Variants in PC observed in about 807,000 individuals in gnomAD.
PC encodes pyruvate carboxylase, mitochondrial.
PC carries 46 observed loss-of-function variants against 107.8 expected under a neutral mutation model. The ratio of observed to expected loss-of-function variants is 0.43; its 90% CI spans 0.34 to 0.55. PC has a LOEUF of 0.55. Among genes scored for constraint, PC ranks in the 20% least tolerant of loss-of-function variants. The pLI is 0.04. For missense variants in PC, 1,241 were observed against 1,643.1 expected (o/e 0.76, Z 4.23); for synonymous variants, 662 against 684.7 (o/e 0.97, Z 0.52).
intron 3 of PC, among the ~76,000 whole-genome samples, chr11:66,893,786 C>T (rs1293223222): frequency 6.8e-6 from 1 of 147,198 alleles, no homozygotes; most frequent in Non-Finnish European, 1.5e-5. Flanking sequence ...TTAGCCCCCG[C>T]CCCCTACCCC....
intron 1 of PC, chr11:66,957,698 C>G (rs1427731007): frequency 2.0e-5 from 3 of 152,260 alleles, no homozygotes; most frequent in African/African-American, 7.2e-5. Flanking sequence ...GCTTTGTAAA[C>G]TACTAAAAGC....
chr11:66,895,235 C>A (rs948426274), intron 3 of PC, among the ~76,000 whole-genome samples: 1 of 152,190 alleles, frequency 6.6e-6, no homozygotes, highest in East Asian at 1.9e-4. Context: ...TTGCATGCTA[C>A]CCCCTTCCCC....
intron 3 of PC, among the ~76,000 whole-genome samples, chr11:66,930,213 C>G (rs1347283236): frequency 6.6e-6 from 1 of 151,994 alleles, no homozygotes. Context: ...AAAACTCCCC[C>G]CAAGAAGCTG....
intron 3 of PC, among the ~76,000 whole-genome samples, chr11:66,897,121 A>G (rs1279712827): frequency 6.6e-6 from 1 of 151,942 alleles, no homozygotes; most frequent in Non-Finnish European, 1.5e-5. Flanking sequence ...TTTAGTAGAG[A>G]TGGGGTTTCA....
chr11:66,954,314 G>A lies in PC; in HGVS notation c.-105C>T, dbSNP rs548901233. The A allele has an allele frequency of 3.3e-4, 50 of 152,360 alleles. 1 individual carries two copies. Among genetic ancestry groups the A allele is most frequent in the Admixed American group, 2.7e-3 (41 of 15,298 alleles). The allele number at this position is 152,360 out of a possible 1,614,324, so 9.4% of individuals were successfully genotyped here. A position where few individuals can be genotyped will look rare whatever the true frequency, so the allele number is the denominator to read the frequency against. ...CATATTAGAGAGTCTTGAACGCCAA[G>A]ATGAAGCAAGCTTTTCATTCGGTAA... On this transcript the variant is annotated 5_prime_UTR_variant, in exon 2 of 23. Transcript: ENST00000393960.
In PC at chr11:66,870,628, C is replaced by T; in HGVS notation, c.751+147G>A. The T allele has an allele frequency of 1.8e-6, 2 of 1,108,284 alleles. No individual in the cohort carries two copies. Among genetic ancestry groups the T allele is most frequent in the Non-Finnish European group, 2.7e-6 (2 of 738,058 alleles). The allele number at this position is 1,108,284 out of a possible 1,614,324, so 68.7% of individuals were successfully genotyped here. A position where few individuals can be genotyped will look rare whatever the true frequency, so the allele number is the denominator to read the frequency against. On this transcript the variant is annotated intron_variant, in intron 8 of 22. Transcript: ENST00000393960. The surrounding 1 kb of genome is among the most constrained non-coding windows in gnomAD (Gnocchi z 6.1). ...TGTGAGGACCAACTGCCAGCTCGGC[C>T]CCTAGAGCCCACTTTCCAGAGTCCT... is the stretch of plus-strand genomic sequence containing the variant.
At chr11:66,865,239 C>G (rs1341912441) in intron 11 of PC, among the ~76,000 whole-genome samples, 1 of 152,240 alleles carries the variant, frequency 6.6e-6, no homozygotes, top group Non-Finnish European at 1.5e-5. Context: ...TCCCCAGCCT[C>G]CCTTGTCTCA....
At chr11:66,935,902 AAC>A (rs1350000569) in intron 3 of PC, among the ~76,000 whole-genome samples, 1 of 152,100 alleles carries the variant, frequency 6.6e-6, no homozygotes, top group East Asian at 1.9e-4. Context: ...CAGCCTGGGC[AAC>A]ACAGTCTTTA....
Position 66,860,213 on chromosome 11 carries a change from G to A in PC, c.1368+3561C>T, listed in dbSNP as rs763146983. On this transcript the variant is annotated intron_variant, in intron 12 of 22. Transcript: ENST00000393960. ...TGGTGTGATGGACGGGCAGCTTCCT[G>A]TGTGCTCCAAGGGATGAGCCTCGTG... 9.7e-6 allele frequency: 15 copies of A among 1,541,586 alleles called. No individual in the cohort carries two copies. The South Asian group carries it at 1.8e-4, about 18-fold the overall frequency.
intron 3 of PC, among the ~76,000 whole-genome samples, chr11:66,910,363 G>A (rs1948299783): frequency 6.6e-6 from 1 of 152,140 alleles, no homozygotes; most frequent in Non-Finnish European, 1.5e-5. Flanking sequence ...CAGCTGGATG[G>A]ACCCTTCTAA....
Position 66,866,376 on chromosome 11 carries a change from A to C in PC, c.1023-27T>G. 6 of 1,466,926 alleles carry C rather than the reference A, an allele frequency of 4.1e-6. No homozygotes were observed. Among genetic ancestry groups the C allele is most frequent in the Non-Finnish European group, 5.6e-6 (6 of 1,067,698 alleles). The allele number at this position is 1,466,926 out of a possible 1,614,324, so 90.9% of individuals were successfully genotyped here. ...TGTAGGGCATTGGGGGGAGGGGGGA[A>C]AGGACGGGAGAAAGGGGGAAACATG... On this transcript the variant is annotated intron_variant, in intron 10 of 22. Coordinates refer to ENST00000393960, the MANE Select transcript of PC (RefSeq NM_001040716.2). The surrounding 1 kb of genome is among the most constrained non-coding windows in gnomAD (Gnocchi z 5.4).
rs1179180972 is a variant in PC, at chr11:66,853,103, G to A, written c.1513+136C>T. On this transcript the variant is annotated intron_variant, in intron 13 of 22. Transcript: ENST00000393960. Reference sequence around the variant, plus strand: ...AGGGTGCAGGACAAGAGGACGCAGGGCCAGAATGAGGGCAGGGGTGAGGGG... The same window carrying A: ...AGGGTGCAGGACAAGAGGACGCAGGACCAGAATGAGGGCAGGGGTGAGGGG... The A allele has an allele frequency of 3.3e-5, 32 of 979,172 alleles. No homozygotes were observed. The East Asian group carries it at 7.7e-4, about 24-fold the overall frequency. The allele number at this position is 979,172 out of a possible 1,614,324, so 60.7% of individuals were successfully genotyped here.
chr11:66,849,304 C>G lies in PC; in HGVS notation c.3214G>C (p.Gly1072Arg), dbSNP rs768048602. 1.2e-6 allele frequency: 2 copies of G among 1,613,660 alleles called. No individual in the cohort carries two copies. Among genetic ancestry groups the G allele is most frequent in the Non-Finnish European group, 1.7e-6 (2 of 1,180,040 alleles). Reference sequence around the variant, plus strand: ...AGCTCAAAGAAGACCTGCCTCTGGCCGGCCCGGTTCAGGTCGCTCACGGCC... The same window carrying G: ...AGCTCAAAGAAGACCTGCCTCTGGCGGGCCCGGTTCAGGTCGCTCACGGCC... Reference protein sequence around the residue: ...ALAVSDLNRAGQRQVFFELNG... With the variant: ...ALAVSDLNRARQRQVFFELNG... Residue 1072 changes from glycine (G) to arginine (R), a missense_variant, in exon 22 of 23, where the codon GGC becomes CGC. By Grantham distance (125) the Gly-to-Arg change is moderately radical. Coordinates refer to ENST00000393960, the MANE Select transcript of PC (RefSeq NM_001040716.2).
chr11:66,877,112 G>T (rs780785511), intron 3 of PC, among the ~76,000 whole-genome samples: 1 of 152,226 alleles, frequency 6.6e-6, no homozygotes, highest in Non-Finnish European at 1.5e-5. Context: ...CCGGCCAGGC[G>T]CGGTGGCTCA....
At position 66,848,440 on chromosome 11, in the gene PC, A is replaced by C; in HGVS notation, c.*459T>G. On this transcript the variant is annotated 3_prime_UTR_variant, in exon 23 of 23. Transcript: ENST00000393960. ...CCCTCTGAGGAGAACGACACAACTG[A>C]CCTGCCCACCCATGGGGAGCTTGAA... The C allele has an allele frequency of 1.9e-6, 1 of 527,410 alleles. No homozygotes were observed. Among genetic ancestry groups the C allele is most frequent in the Non-Finnish European group, 3.3e-6 (1 of 301,528 alleles). 32.7% of individuals were successfully genotyped at this position (527,410 alleles called of 1,614,324 possible).
intron 3 of PC, among the ~76,000 whole-genome samples, chr11:66,911,158 C>G (rs1188491169): frequency 6.6e-6 from 1 of 152,182 alleles, no homozygotes; most frequent in Non-Finnish European, 1.5e-5. Flanking sequence ...CTTCTCTCTT[C>G]CATCATGCCC....
chr11:66,939,784 A>G, intron 3 of PC, among the ~76,000 whole-genome samples: 1 of 148,390 alleles, frequency 6.7e-6, no homozygotes. Flanking sequence ...AGCCTGGGCA[A>G]CAAGAGCAAA....
intron 3 of PC, among the ~76,000 whole-genome samples, chr11:66,903,773 A>AAAATAT (rs1555039098): frequency 4.8e-5 from 3 of 62,492 alleles, no homozygotes; most frequent in African/African-American, 1.6e-4. Flanking sequence ...AAAAAAAAAA[A>AAAATAT]ATATATATAT....
intron 12 of PC, among the ~76,000 whole-genome samples, chr11:66,856,405 G>T (rs1001442385): frequency 6.6e-6 from 1 of 151,990 alleles, no homozygotes; most frequent in Non-Finnish European, 1.5e-5. Flanking sequence ...AGAGGCAGCT[G>T]GGGACAGGGC....
Sources: gnomAD v4.1 joint callset for allele counts (sites outside exome capture counted in the v4.1 genomes callset) on GRCh38, gnomAD v4.1.1 for gene constraint, Gnocchi (gnomAD v3.1) non-coding constraint, MANE v1.5 for transcripts, NCBI Gene and HGNC (gene_info 2026-07-23, HGNC 2026-07-21) for gene names.